KCND2: variants seen among roughly 807,000 people sequenced by gnomAD.
The protein encoded by KCND2 is potassium voltage-gated channel subfamily D member 2.
A neutral mutation model predicts 54.4 loss-of-function variants in KCND2; 16 were observed. That is an observed-to-expected ratio of 0.29 (90% CI 0.20 to 0.45). KCND2 has a LOEUF of 0.45. KCND2 is among the 20% of genes least tolerant of loss of function. KCND2 has a pLI of 1.00. For synonymous variants in KCND2, 317 were observed against 310.7 expected (o/e 1.02, Z -0.21); for missense variants, 486 against 824.2 (o/e 0.59, Z 5.02).
chr7:120,304,207 A>G (rs889251546), intron 1 of KCND2, among the ~76,000 whole-genome samples: 8 of 152,284 alleles, frequency 5.3e-5, no homozygotes, highest in African/African-American at 1.9e-4. Flanking sequence ...TTATATGTGA[A>G]GAAGTAGAGA....
At chr7:120,595,451 C>CAAA (rs759040293) in intron 1 of KCND2, among the ~76,000 whole-genome samples, 25 of 43,678 alleles carry the variant, frequency 5.7e-4, no homozygotes, top group African/African-American at 2.1e-3. Flanking sequence ...ACTGTGCCAC[C>CAAA]AAAAAAAAAA....
intron 1 of KCND2, among the ~76,000 whole-genome samples, chr7:120,553,890 G>A (rs1000123712): frequency 5.9e-5 from 9 of 152,196 alleles, no homozygotes; most frequent in Non-Finnish European, 1.2e-4. Context: ...CATTGCTAAT[G>A]TTCCTTCTCT....
chr7:120,677,328 G>A (rs1402583133), intron 1 of KCND2, among the ~76,000 whole-genome samples: 3 of 151,962 alleles, frequency 2.0e-5, no homozygotes, highest in African/African-American at 7.3e-5. Flanking sequence ...TCAGTACCAG[G>A]GAAGAGTAAA....
rs1800304036 is a variant in KCND2 at position 120,345,503 on chromosome 7, A to G, written c.1115+69756A>G. ...CCGACCTCTAGAAATTTGTCACCTT[A>G]CAAAACCGAAACTCTGTACCTATTA... On this transcript the variant is annotated intron_variant, in intron 1 of 5. Transcript: ENST00000331113. Among the ~76,000 whole-genome samples, 3 of 152,174 alleles carry G rather than the reference A, an allele frequency of 2.0e-5. No homozygotes were observed. In the South Asian group the frequency reaches 6.2e-4, roughly 31 times the overall value.
intron 1 of KCND2, among the ~76,000 whole-genome samples, chr7:120,625,414 A>C (rs1178371503): frequency 2.0e-5 from 3 of 152,198 alleles, no homozygotes; most frequent in Admixed American, 6.5e-5. Flanking sequence ...CTTTAATTCA[A>C]ATGCAAAATA....
chr7:120,357,215 C>G (rs1368313427), intron 1 of KCND2, among the ~76,000 whole-genome samples: 1 of 152,038 alleles, frequency 6.6e-6, no homozygotes, highest in Non-Finnish European at 1.5e-5. Flanking sequence ...GCCTCTTTCA[C>G]CTCTAATAAT....
intron 1 of KCND2, among the ~76,000 whole-genome samples, chr7:120,728,404 G>A (rs1420534183): frequency 6.6e-6 from 1 of 150,638 alleles, no homozygotes; most frequent in African/African-American, 2.4e-5. Context: ...AGATTCTCCT[G>A]CCTCAGCCTC....
chr7:120,686,555 A>T (rs1334470899), intron 1 of KCND2, among the ~76,000 whole-genome samples: 1 of 152,190 alleles, frequency 6.6e-6, no homozygotes, highest in Non-Finnish European at 1.5e-5. Flanking sequence ...TTTATTAAAA[A>T]GTATTAGAGC....
In KCND2 at chr7:120,274,609, T is replaced by C. The variant is rs758877831; in HGVS notation, c.-24T>C. On this transcript the variant is annotated 5_prime_UTR_variant, in exon 1 of 6. Transcript: ENST00000331113. ...ACCCATTGTAGACGCCTCGTTACCC[T>C]TCTTCCTTCCGCTTCAAGTAATCAT... is the stretch of plus-strand genomic sequence containing the variant. 3 of 1,614,032 alleles carry C rather than the reference T, an allele frequency of 1.9e-6. No individual in the cohort carries two copies. In the African/African-American group the frequency reaches 4.0e-5, roughly 22 times the overall value.
intron 1 of KCND2, among the ~76,000 whole-genome samples, chr7:120,345,211 A>G (rs916786025): frequency 6.6e-6 from 1 of 152,212 alleles, no homozygotes; most frequent in Non-Finnish European, 1.5e-5. Context: ...CCTAAAATGT[A>G]GGATAACTTG....
chr7:120,499,335 A>G (rs779336454), intron 1 of KCND2, among the ~76,000 whole-genome samples: 8 of 152,026 alleles, frequency 5.3e-5, no homozygotes, highest in Non-Finnish European at 1.0e-4. Context: ...CAAATAATAA[A>G]TCATTTGTGT....
At chr7:120,551,392 T>C (rs1483876599) in intron 1 of KCND2, among the ~76,000 whole-genome samples, 1 of 152,208 alleles carries the variant, frequency 6.6e-6, no homozygotes, top group Non-Finnish European at 1.5e-5. Flanking sequence ...TAAATAGTTA[T>C]TGTGACCTTC....
At chr7:120,491,658 G>C (rs966919839) in intron 1 of KCND2, among the ~76,000 whole-genome samples, 1 of 151,960 alleles carries the variant, frequency 6.6e-6, no homozygotes, top group Non-Finnish European at 1.5e-5. Flanking sequence ...AATATGTGTG[G>C]GTGTTAGTGA....
intron 1 of KCND2, among the ~76,000 whole-genome samples, chr7:120,470,654 T>C (rs1802440182): frequency 6.6e-6 from 1 of 152,084 alleles, no homozygotes; most frequent in Non-Finnish European, 1.5e-5. Context: ...AAGTGACCTT[T>C]AACTACCAAA....
chr7:120,608,674 C>T (rs915509957), intron 1 of KCND2, among the ~76,000 whole-genome samples: 14 of 152,084 alleles, frequency 9.2e-5, no homozygotes, highest in Admixed American at 4.6e-4. Flanking sequence ...CCCAACCCTA[C>T]GAAGTGGCAT....
rs571980320 is a variant in KCND2, at chr7:120,583,860, GAA to G, written c.1116-149042_1116-149041del. Among the ~76,000 whole-genome samples the G allele has an allele frequency of 2.6e-5, 4 of 151,750 alleles. No homozygotes were observed. The East Asian group carries it at 7.7e-4, about 29-fold the overall frequency. On this transcript the variant is annotated intron_variant, in intron 1 of 5. Transcript: ENST00000331113. ...TGTGAAAAAAAGCAATATAGAAAGA[GAA>G]GAGAGACATTAAACTTTGAGGAAGA...
At chr7:120,367,499 T>A (rs974428546) in intron 1 of KCND2, among the ~76,000 whole-genome samples, 7 of 151,724 alleles carry the variant, frequency 4.6e-5, no homozygotes, top group Non-Finnish European at 8.8e-5. Context: ...GAAGTTTTAA[T>A]AAGGCTCGTA....
At chr7:120,678,378 C>CACACACATATATAGACACAT in intron 1 of KCND2, among the ~76,000 whole-genome samples, 1 of 127,500 alleles carries the variant, frequency 7.8e-6, no homozygotes, top group Non-Finnish European at 1.7e-5. Context: ...TATATACGCA[C>CACACACATATATAGACACAT]ACACACATAT....
intron 1 of KCND2, among the ~76,000 whole-genome samples, chr7:120,535,811 G>T (rs1312456475): frequency 2.0e-5 from 3 of 152,164 alleles, no homozygotes; most frequent in Non-Finnish European, 2.9e-5. Flanking sequence ...TCCATAGCAG[G>T]ATGAAGGCAT....
Sources: gnomAD v4.1 joint callset for allele counts (sites outside exome capture counted in the v4.1 genomes callset) on GRCh38, gnomAD v4.1.1 for gene constraint, MANE v1.5 for transcripts, NCBI Gene and HGNC (gene_info 2026-07-23, HGNC 2026-07-21) for gene names.